Variants in FCN3 observed in about 807,000 individuals in gnomAD.
FCN3 encodes the protein ficolin 3, also known as ficolin-3.
A neutral mutation model predicts 31.5 loss-of-function variants in FCN3; 28 were observed. The observed-to-expected ratio is 0.89, with a 90% confidence interval of 0.66 to 1.22. The LOEUF (loss-of-function observed/expected upper bound fraction) is 1.22. Ranked by LOEUF, FCN3 falls within the 50% of genes most tolerant of loss-of-function variation. The pLI is 0.00. For missense variants in FCN3, 351 were observed against 386.8 expected (o/e 0.91, Z 0.78); for synonymous variants, 124 against 147.4 (o/e 0.84, Z 1.15).
chr1:27,371,395 GT>G (rs1393244561), intron 5 of FCN3, among the ~76,000 whole-genome samples: 2 of 152,102 alleles, frequency 1.3e-5, no homozygotes, highest in African/African-American at 4.8e-5. Flanking sequence ...GGCCAACATG[GT>G]GAAATCCCGT....
intron 3 of FCN3, 66 bp downstream of exon 3, chr1:27,373,899 A>G: frequency 7.3e-7 from 1 of 1,376,424 alleles, no homozygotes; most frequent in Admixed American, 1.8e-5. Flanking sequence ...CCAAGCAGAG[A>G]TCCCACCCTA....
intron 5 of FCN3, 35 bp downstream of exon 5, chr1:27,373,101 G>A (rs753039803): frequency 6.2e-6 from 10 of 1,609,204 alleles, no homozygotes; most frequent in Admixed American, 1.7e-5. Context: ...GTGACCAGTG[G>A]GCCTGGCCTG....
intron 4 of FCN3, 62 bp downstream of exon 4, chr1:27,373,426 G>C: frequency 6.2e-7 from 1 of 1,600,068 alleles, no homozygotes; most frequent in Non-Finnish European, 8.6e-7. Context: ...CACACTTGGG[G>C]GTCTGCCAAC....
At chr1:27,369,952 A>T (rs2016112405) in intron 7 of FCN3, among the ~76,000 whole-genome samples, 1 of 151,612 alleles carries the variant, frequency 6.6e-6, no homozygotes, top group East Asian at 1.9e-4. Context: ...ACTAACACTC[A>T]ACAGAGCCTC....
Position 27,374,339 on chromosome 1 carries a change from T to C in FCN3, c.187+17A>G. 6.3e-7 allele frequency: 1 copy of C among 1,580,540 alleles called. No homozygotes were observed. Among genetic ancestry groups the C allele is most frequent in the Non-Finnish European group, 8.7e-7 (1 of 1,150,696 alleles). ...CCCCATTCCCAAGATCCCAGCCCGC[T>C]CCCCAGCCCCTCTCACCTTGAGGAC... On this transcript the variant is annotated intron_variant, in intron 2 of 7. Transcript: ENST00000270879.
In FCN3 at chr1:27,374,014, A is replaced by C; in HGVS notation, c.188-5T>G. 6.2e-7 allele frequency: 1 copy of C among 1,613,412 alleles called. No homozygotes were observed. The highest frequency in any genetic ancestry group is 8.5e-7 in the Non-Finnish European group (1 of 1,179,848). On this transcript the variant is annotated splice_region_variant and splice_polypyrimidine_tract_variant and intron_variant, in intron 2 of 7. Coordinates refer to ENST00000270879, the MANE Select transcript of FCN3 (RefSeq NM_003665.4). ...TGCCTGGTGGTCCAGGTGGCCCTGA[A>C]ATCACAAAGGCAGAGATTTCCTGAG...
chr1:27,374,010 C>T lies in FCN3; in HGVS notation c.188-1G>A. 1.2e-6 allele frequency: 2 copies of T among 1,613,552 alleles called. No homozygotes were observed. The highest frequency in any genetic ancestry group is 1.7e-6 in the Non-Finnish European group (2 of 1,179,890). On this transcript the variant is annotated splice_acceptor_variant, in intron 2 of 7. Transcript: ENST00000270879. LOFTEE classifies it high-confidence loss of function. ...ATCTTGCCTGGTGGTCCAGGTGGCCCTGAAATCACAAAGGCAGAGATTTCC... is the reference window on the plus strand; with the variant it reads ...ATCTTGCCTGGTGGTCCAGGTGGCCTTGAAATCACAAAGGCAGAGATTTCC...
chr1:27,369,500 C>G, intron 7 of FCN3, 23 bp from the exon 8 acceptor site: 1 of 1,610,420 alleles, frequency 6.2e-7, no homozygotes, highest in Non-Finnish European at 8.5e-7. Context: ...GGATGGAAAG[C>G]ACCTTGGTGC....
At chr1:27,374,098 C>G (rs149617808) in intron 2 of FCN3, 89 bp from the exon 3 acceptor site, 4 of 1,153,754 alleles carry the variant, frequency 3.5e-6, no homozygotes, top group East Asian at 4.7e-5. Context: ...AGGTTCAAAT[C>G]CCAGTTTCAC....
rs1015394486 is a variant in FCN3, at chr1:27,374,659, C to G, written c.91+69G>C. Reference sequence around the variant, plus strand: ...CACCCTGCTCCTTGAGGTTGATGAGCCTTGGTGGGGGGACACCCAGCGAGG... The same window carrying G: ...CACCCTGCTCCTTGAGGTTGATGAGGCTTGGTGGGGGGACACCCAGCGAGG... On this transcript the variant is annotated intron_variant, in intron 1 of 7. Coordinates refer to ENST00000270879, the MANE Select transcript of FCN3 (RefSeq NM_003665.4). 13 of 977,564 alleles carry G rather than the reference C, an allele frequency of 1.3e-5. No homozygotes were observed. In the African/African-American group the frequency reaches 2.0e-4, roughly 15 times the overall value. The allele number at this position is 977,564 out of a possible 1,614,324, so 60.6% of individuals were successfully genotyped here. A position where few individuals can be genotyped will look rare whatever the true frequency, so the allele number is the denominator to read the frequency against.
At position 27,374,116 on chromosome 1, in the gene FCN3, T is replaced by G. The variant is rs557017819; in HGVS notation, c.188-107A>C. The G allele has an allele frequency of 7.6e-6, 8 of 1,050,422 alleles. No homozygotes were observed. In the African/African-American group the frequency reaches 1.3e-4, roughly 17 times the overall value. 65.1% of individuals were successfully genotyped at this position (1,050,422 alleles called of 1,614,324 possible). A position where few individuals can be genotyped will look rare whatever the true frequency, so the allele number is the denominator to read the frequency against. ...TTCAAATCCCAGTTTCACCCTTCAC[T>G]CACTTTGTGATTGCGGGCAAATATC... On this transcript the variant is annotated intron_variant, in intron 2 of 7. Coordinates refer to ENST00000270879, the MANE Select transcript of FCN3 (RefSeq NM_003665.4).
At chr1:27,370,544 G>T in intron 7 of FCN3, 52 bp downstream of exon 7, 1 of 1,517,540 alleles carries the variant, frequency 6.6e-7, no homozygotes, top group Non-Finnish European at 9.1e-7. Flanking sequence ...GGCAGTGGCA[G>T]CACTGGGAAA....
intron 7 of FCN3, among the ~76,000 whole-genome samples, chr1:27,369,764 C>T (rs889990324): frequency 4.6e-5 from 7 of 151,818 alleles, no homozygotes; most frequent in Admixed American, 1.3e-4. Flanking sequence ...TCTCAGCTCC[C>T]ATCCAGTCTG....
In FCN3 at chr1:27,369,278, A is replaced by C; in HGVS notation, c.858T>G (p.Gly286=). The change falls in exon 8 of 8, where the codon GGT becomes GGG. Residue 286 remains glycine (G), a synonymous_variant. Transcript: ENST00000270879. ...GAACCCTGCGGTAGGGGTGGCCCAC[A>C]CCACGGCCTGAGGCCCAGTCAATGC... ...KYGIDWASGR[G]VGHPYRRVRM... The C allele has an allele frequency of 6.2e-7, 1 of 1,614,206 alleles. No individual in the cohort carries two copies.
chr1:27,370,415 G>C (rs2016121461), intron 7 of FCN3, 181 bp downstream of exon 7: 1 of 616,256 alleles, frequency 1.6e-6, no homozygotes, highest in Non-Finnish European at 2.9e-6. Flanking sequence ...ACTCAGGTCT[G>C]TTTGCCTCCA....
At chr1:27,370,151 C>T (rs2016116727) in intron 7 of FCN3, among the ~76,000 whole-genome samples, 1 of 152,060 alleles carries the variant, frequency 6.6e-6, no homozygotes, top group Admixed American at 6.5e-5. Context: ...GGATTACAGG[C>T]ACCCTCCACC....
At position 27,370,986 on chromosome 1, in the gene FCN3, G is replaced by T. The variant is rs760660955; in HGVS notation, c.394-14C>A. On this transcript the variant is annotated splice_polypyrimidine_tract_variant and intron_variant, in intron 5 of 7. Transcript: ENST00000270879. ...CCTCTGAAACACCTGGGGGAGGGGG[G>T]GCACAGCAGCTATTACTCCAGGCTG... 6.2e-6 allele frequency: 10 copies of T among 1,610,398 alleles called. No homozygotes were observed. The highest frequency in any genetic ancestry group is 7.6e-6 in the Non-Finnish European group (9 of 1,178,852).
At chr1:27,372,831 G>T (rs1315023331) in intron 5 of FCN3, among the ~76,000 whole-genome samples, 2 of 139,982 alleles carry the variant, frequency 1.4e-5, no homozygotes, top group Non-Finnish European at 3.0e-5. Flanking sequence ...AGGCTGGAGT[G>T]CAATGGCAAG....
chr1:27,370,068 ACT>A (rs1429842751), intron 7 of FCN3, among the ~76,000 whole-genome samples: 4 of 147,220 alleles, frequency 2.7e-5, no homozygotes, highest in Non-Finnish European at 6.0e-5. Context: ...GTGCAGTGAC[ACT>A]CTCTTGGCTC....
Sources: allele counts gnomAD v4.1 joint callset (sites outside exome capture counted in the v4.1 genomes callset), GRCh38; gene constraint gnomAD v4.1.1; transcripts MANE v1.5; gene names NCBI Gene and HGNC (gene_info 2026-07-23, HGNC 2026-07-21).